Variants in IPO11 observed in about 807,000 individuals in gnomAD.
IPO11 encodes the protein importin 11.
Under a neutral mutation model 143.2 loss-of-function variants are expected in IPO11, and 66 were observed. The ratio of observed to expected loss-of-function variants is 0.46; its 90% CI spans 0.38 to 0.57. The LOEUF (loss-of-function observed/expected upper bound fraction) is 0.57, where lower values mean the gene tolerates loss of function less well. Ranked by LOEUF, IPO11 falls within the 20% of genes least tolerant of loss-of-function variation. IPO11 has a pLI of 0.00. For synonymous variants in IPO11, 385 were observed against 377.8 expected, an observed-to-expected ratio of 1.02 and a Z score of -0.22; for missense variants, 1,026 against 1,141.0, an observed-to-expected ratio of 0.90 and a Z score of 1.45.
chr5:62,481,008 T>G (rs1292011075), intron 9 of IPO11, among the ~76,000 whole-genome samples: 6 of 145,870 alleles, frequency 4.1e-5, no homozygotes, highest in Non-Finnish European at 9.0e-5. Flanking sequence ...CTCTGCTTCC[T>G]GGGTTCACAC....
intron 27 of IPO11, 87 bp from the exon 28 acceptor site, chr5:62,591,490 A>G: frequency 2.8e-6 from 2 of 708,892 alleles, no homozygotes; most frequent in Non-Finnish European, 4.6e-6. Flanking sequence ...ATTTCTCTTC[A>G]TGTTCGAGAA....
At chr5:62,435,927 G>A (rs138439134) in intron 1 of IPO11, among the ~76,000 whole-genome samples, 332 of 152,288 alleles carry the variant, frequency 2.2e-3, no homozygotes, top group African/African-American at 7.5e-3. Context: ...TACTGGGGAG[G>A]CTGAGGCAGG....
intron 13 of IPO11, 48 bp downstream of exon 13, chr5:62,487,909 A>G (rs770552491): frequency 6.6e-7 from 1 of 1,506,182 alleles, no homozygotes; most frequent in South Asian, 1.2e-5. Context: ...TTTAACGTTT[A>G]GTTAAGAAAT....
intron 24 of IPO11, among the ~76,000 whole-genome samples, chr5:62,545,565 A>G (rs1294112744): frequency 6.6e-6 from 1 of 152,232 alleles, no homozygotes; most frequent in Non-Finnish European, 1.5e-5. Context: ...TAAAACACCA[A>G]AAGTAATGGC....
chr5:62,531,981 C>T lies in IPO11; in HGVS notation c.2089+1196C>T, dbSNP rs1742562898. Among the ~76,000 whole-genome samples, 5 of 152,270 alleles carry T rather than the reference C, an allele frequency of 3.3e-5. No homozygotes were observed. In the Middle Eastern group the frequency reaches 0.01, roughly 311 times the overall value. On this transcript the variant is annotated intron_variant, in intron 22 of 29. Coordinates refer to ENST00000325324, the MANE Select transcript of IPO11 (RefSeq NM_016338.5). Reference sequence around the variant, plus strand: ...TGGTGAAGGCCTTTTTAGTTCTGTTCTACCTAACTTGGAGACTACATACCA... The same window carrying T: ...TGGTGAAGGCCTTTTTAGTTCTGTTTTACCTAACTTGGAGACTACATACCA...
At chr5:62,585,879 G>A (rs1216461636) in intron 27 of IPO11, among the ~76,000 whole-genome samples, 2 of 151,940 alleles carry the variant, frequency 1.3e-5, no homozygotes, top group African/African-American at 4.9e-5. Flanking sequence ...GGGTAAATGA[G>A]AAGGAAGGTC....
chr5:62,514,673 A>G (rs1160044040), intron 19 of IPO11, among the ~76,000 whole-genome samples: 1 of 152,138 alleles, frequency 6.6e-6, no homozygotes, highest in African/African-American at 2.4e-5. Flanking sequence ...TCTTAGAGCA[A>G]TTTCAAATAC....
chr5:62,461,454 A>G (rs1031329327), intron 5 of IPO11, among the ~76,000 whole-genome samples: 1 of 152,232 alleles, frequency 6.6e-6, no homozygotes, highest in African/African-American at 2.4e-5. Context: ...TGGAAGTCCA[A>G]AAGTAGAAGC....
intron 19 of IPO11, among the ~76,000 whole-genome samples, chr5:62,515,070 A>G (rs1159430477): frequency 6.6e-6 from 1 of 152,218 alleles, no homozygotes; most frequent in African/African-American, 2.4e-5. Flanking sequence ...CAATTTGGTA[A>G]GCTGTTTTGT....
chr5:62,510,533 G>A (rs1045777277), intron 19 of IPO11, among the ~76,000 whole-genome samples: 3 of 151,996 alleles, frequency 2.0e-5, no homozygotes, highest in African/African-American at 7.3e-5. Flanking sequence ...TATCATAACC[G>A]TGATTAGACT....
At chr5:62,583,221 A>C (rs893038236) in intron 27 of IPO11, among the ~76,000 whole-genome samples, 1 of 151,946 alleles carries the variant, frequency 6.6e-6, no homozygotes, top group African/African-American at 2.4e-5. Flanking sequence ...TTTTTCTTTA[A>C]TTACTAAAAG....
At chr5:62,569,195 C>T (rs1034353293) in intron 27 of IPO11, among the ~76,000 whole-genome samples, 3 of 152,170 alleles carry the variant, frequency 2.0e-5, no homozygotes, top group Admixed American at 2.0e-4. Context: ...CTGCAAACTT[C>T]CTTCTCTCTC....
intron 8 of IPO11, 118 bp from the exon 9 acceptor site, chr5:62,476,561 TAATG>T (rs930271331): frequency 7.4e-5 from 79 of 1,068,126 alleles, no homozygotes; most frequent in African/African-American, 9.9e-5. Flanking sequence ...GCTTTTTAAA[TAATG>T]AATTCATAAT....
intron 28 of IPO11, among the ~76,000 whole-genome samples, chr5:62,597,463 C>T (rs758131787): frequency 3.3e-5 from 5 of 152,086 alleles, no homozygotes; most frequent in Non-Finnish European, 5.9e-5. Context: ...TGAGCAGAAA[C>T]GGGAAAGTGA....
intron 26 of IPO11, among the ~76,000 whole-genome samples, chr5:62,552,698 G>T (rs759874005): frequency 7.2e-5 from 11 of 151,980 alleles, no homozygotes; most frequent in Non-Finnish European, 1.3e-4. Flanking sequence ...GAGGGGCCTG[G>T]TCATGTTTCC....
chr5:62,522,288 GTTT>G (rs111301961), intron 20 of IPO11, among the ~76,000 whole-genome samples: 2 of 140,192 alleles, frequency 1.4e-5, no homozygotes, highest in Non-Finnish European at 1.6e-5. Flanking sequence ...ATTGTGGTGG[GTTT>G]TTTTTTTTTT....
intron 24 of IPO11, among the ~76,000 whole-genome samples, chr5:62,549,139 TTTA>T (rs1479427282): frequency 1.3e-5 from 2 of 152,168 alleles, no homozygotes; most frequent in African/African-American, 2.4e-5. Flanking sequence ...GAGATAAAAT[TTTA>T]TTGTTTCAAA....
intron 1 of IPO11, among the ~76,000 whole-genome samples, chr5:62,433,409 C>T (rs1744062955): frequency 6.6e-6 from 1 of 152,026 alleles, no homozygotes; most frequent in Admixed American, 6.6e-5. Context: ...TAGGCACGTT[C>T]GTATATTGGT....
At chr5:62,520,610 G>T (rs1274094045) in intron 20 of IPO11, among the ~76,000 whole-genome samples, 2 of 152,218 alleles carry the variant, frequency 1.3e-5, no homozygotes, top group Non-Finnish European at 2.9e-5. Context: ...ACCTGTGAGT[G>T]AGAACGTGCT....
Sources: allele counts gnomAD v4.1 joint callset (sites outside exome capture counted in the v4.1 genomes callset), GRCh38; gene constraint gnomAD v4.1.1; transcripts MANE v1.5; gene names NCBI Gene and HGNC (gene_info 2026-07-23, HGNC 2026-07-21).